The following SDS variants were observed in gnomAD, a reference collection of about 807,000 sequenced individuals.
The protein encoded by SDS is L-serine dehydratase/L-threonine deaminase.
Under a neutral mutation model 29.3 loss-of-function variants are expected in SDS, and 19 were observed. The observed-to-expected ratio is 0.65, with a 90% CI of 0.45 to 0.95. The LOEUF (loss-of-function observed/expected upper bound fraction) is 0.95. Ranked by LOEUF, SDS falls within the 40% of genes least tolerant of loss-of-function variation. The pLI is 0.00. For missense variants in SDS, 375 were observed against 439.9 expected, an observed-to-expected ratio of 0.85 and a Z score of 1.32; for synonymous variants, 176 against 189.0, an observed-to-expected ratio of 0.93 and a Z score of 0.56.
At position 113,397,245 on chromosome 12, in the gene SDS, G is replaced by T. The variant is rs146027909; in HGVS notation, c.573C>A (p.Ile191=). ...TGTGGGCACCAAAAGTCTCCATGGC[G>T]ATGACAGGCACGTCCCCCCAGCCCA... The part of the protein sequence containing the change: ...QEVGWGDVPV[I]AMETFGAHSF... Residue 191 remains isoleucine, a synonymous_variant, in exon 6 of 8, where the codon ATC becomes ATA. Coordinates refer to ENST00000257549, the MANE Select transcript of SDS (RefSeq NM_006843.3). 26 of 1,614,072 alleles carry T rather than the reference G, an allele frequency of 1.6e-5. No homozygotes were observed. Among genetic ancestry groups the T allele is most frequent in the Admixed American group, 5.0e-5 (3 of 60,004 alleles).
At chr12:113,397,601 G>A (rs898346550) in intron 5 of SDS, among the ~76,000 whole-genome samples, 1 of 152,150 alleles carries the variant, frequency 6.6e-6, no homozygotes, top group Non-Finnish European at 1.5e-5. Context: ...TCAGGAGATG[G>A]CAGCCCCTTA....
intron 6 of SDS, among the ~76,000 whole-genome samples, chr12:113,395,029 A>G (rs765464584): frequency 2.6e-5 from 4 of 152,156 alleles, no homozygotes; most frequent in Admixed American, 6.5e-5. Context: ...TTCACACAAG[A>G]ATTCTGCTGT....
chr12:113,394,741 C>G (rs555486873), intron 6 of SDS, among the ~76,000 whole-genome samples: 1 of 152,148 alleles, frequency 6.6e-6, no homozygotes, highest in South Asian at 2.1e-4. Context: ...TAAGAGGACC[C>G]TTGTTGTTCC....
At chr12:113,394,388 G>A (rs1470998238) in intron 6 of SDS, among the ~76,000 whole-genome samples, 2 of 148,594 alleles carry the variant, frequency 1.3e-5, no homozygotes, top group African/African-American at 5.0e-5. Flanking sequence ...TGCCCAGGCT[G>A]GAGTGCAGTG....
chr12:113,399,167 G>A lies in SDS; in HGVS notation c.154-16C>T. The A allele has an allele frequency of 1.2e-6, 2 of 1,613,602 alleles. No individual in the cohort carries two copies. The highest frequency in any genetic ancestry group is 1.7e-6 in the Non-Finnish European group (2 of 1,179,746). On this transcript the variant is annotated splice_polypyrimidine_tract_variant and intron_variant, in intron 2 of 7. Transcript: ENST00000257549. ...GCTTGGCCCACTGTGGAGACAACAG[G>A]AGAGGCACTCAGGCCCACCTCCCAG...
Position 113,397,179 on chromosome 12 carries a change from C to T in SDS, c.639G>A (p.Leu213=), listed in dbSNP as rs1957652274. Residue 213 remains leucine (L), a synonymous_variant, in exon 6 of 8, where the codon CTG becomes CTA. Transcript: ENST00000257549. ...AATTAGKLVS[L]PKITSVAKAL... is the part of the protein sequence containing the mutation. ...CAGCTGCTCACCTGGTGATCTTGGG[C>T]AGGGAGACAAGTTTGCCTGCGGTGG... The T allele has an allele frequency of 6.2e-7, 1 of 1,614,062 alleles. No individual in the cohort carries two copies. Among genetic ancestry groups the T allele is most frequent in the Admixed American group, 1.7e-5 (1 of 60,010 alleles).
At position 113,398,781 on chromosome 12, in the gene SDS, C is replaced by A; in HGVS notation, c.259G>T (p.Val87Leu). ...RQLGVPATIV[V>L]PSTTPALTIE... ...GTGAGAGCAGGTGTGGTGCTGGGCA[C>A]CACGATGGTGGCGGGGACGCCGAGT... The change falls in exon 4 of 8, where the codon GTG becomes TTG. Residue 87 changes from valine (V) to leucine (L), a missense_variant. Transcript: ENST00000257549. 5.0e-6 allele frequency: 8 copies of A among 1,614,104 alleles called. No homozygotes were observed. Among genetic ancestry groups the A allele is most frequent in the Non-Finnish European group, 6.8e-6 (8 of 1,179,990 alleles).
chr12:113,400,990 A>G (rs1171956925), intron 1 of SDS, among the ~76,000 whole-genome samples: 1 of 152,026 alleles, frequency 6.6e-6, no homozygotes. Context: ...CGTCTCTACT[A>G]AAAATACAAG....
intron 7 of SDS, among the ~76,000 whole-genome samples, chr12:113,393,620 A>G (rs980394598): frequency 1.3e-5 from 2 of 152,254 alleles, no homozygotes; most frequent in African/African-American, 2.4e-5. Flanking sequence ...CAGGAAACTC[A>G]GAAGCAACAT....
In SDS at chr12:113,394,321, TTTGTTTTTTTG is replaced by T. The variant is rs1268097970; in HGVS notation, c.654-316_654-306del. On this transcript the variant is annotated intron_variant, in intron 6 of 7. Coordinates refer to ENST00000257549, the MANE Select transcript of SDS (RefSeq NM_006843.3). ...GTTGCCCAGGCGGGTTTTTGTTTTGTTTGTTTTTTTGTTGTTTTTTTGTTTTTTTTTTTTTT... is the reference window on the plus strand; with the variant it reads ...GTTGCCCAGGCGGGTTTTTGTTTTGTTTGTTTTTTTGTTTTTTTTTTTTTT... 9.7e-3 allele frequency among the ~76,000 whole-genome samples: 1,457 copies of T among 150,698 alleles called. 19 individuals carry two copies. Among genetic ancestry groups the T allele is most frequent in the African/African-American group, 0.033 (1,350 of 40,736 alleles).
chr12:113,394,343 G>GTTTTTTTTTTTTTTTTTTTTTTT (rs565900434), intron 6 of SDS, among the ~76,000 whole-genome samples: 2 of 132,106 alleles, frequency 1.5e-5, no homozygotes, highest in Non-Finnish European at 1.6e-5. Flanking sequence ...TTGTTTTTTT[G>GTTTTTTTTTTTTTTTTTTTTTTT]TTTTTTTTTT....
chr12:113,401,104 ACT>A (rs1428077269), intron 1 of SDS, among the ~76,000 whole-genome samples: 1 of 151,888 alleles, frequency 6.6e-6, no homozygotes, highest in African/African-American at 2.4e-5. Context: ...ACAGATCGAG[ACT>A]CTGTCTCAAA....
chr12:113,399,545 C>T lies in SDS; in HGVS notation c.153+11G>A, dbSNP rs553271803. On this transcript the variant is annotated intron_variant, in intron 2 of 7. Coordinates refer to ENST00000257549, the MANE Select transcript of SDS (RefSeq NM_006843.3). ...CACCCCTGCCCAGATAATGCTGACC[C>T]GGTCCCGTACCCTCTTGCAGAAGTG... The T allele has an allele frequency of 3.9e-5, 60 of 1,556,618 alleles. No individual in the cohort carries two copies. The highest frequency in any genetic ancestry group is 2.2e-4 in the African/African-American group (16 of 73,496).
intron 5 of SDS, among the ~76,000 whole-genome samples, chr12:113,398,055 TTTC>T (rs1215300462): frequency 4.0e-5 from 6 of 151,462 alleles, no homozygotes; most frequent in Admixed American, 2.6e-4. Flanking sequence ...GTAACGTGTG[TTTC>T]TTCTTTTTTT....
Position 113,398,534 on chromosome 12 carries a change from A to AG in SDS, c.405dup (p.Phe136LeufsTer2). The AG allele has an allele frequency of 6.3e-7, 1 of 1,591,024 alleles. No homozygotes were observed. The highest frequency in any genetic ancestry group is 8.5e-7 in the Non-Finnish European group (1 of 1,170,156). Reference sequence around the variant, plus strand: ...ACATACCAGATGAGGGGGTCATCAAAGGGGGGAATGTAGACCCAACCCGGG... The same window carrying AG: ...ACATACCAGATGAGGGGGTCATCAAAGGGGGGGAATGTAGACCCAACCCGGG... On this transcript the variant is annotated frameshift_variant, in exon 5 of 8. Coordinates refer to ENST00000257549, the MANE Select transcript of SDS (RefSeq NM_006843.3). LOFTEE classifies it high-confidence loss of function.
At chr12:113,403,397 G>A (rs1016966740) in intron 1 of SDS, among the ~76,000 whole-genome samples, 2 of 152,162 alleles carry the variant, frequency 1.3e-5, no homozygotes, top group African/African-American at 2.4e-5. Flanking sequence ...GGTGGCACAC[G>A]CCTGTAGTCC....
rs182929273 is a variant in SDS at position 113,403,537 on chromosome 12, T to A, written c.-3+231A>T. Among the ~76,000 whole-genome samples, 1,264 of 150,906 alleles carry A rather than the reference T, an allele frequency of 8.4e-3. 14 individuals carry two copies. The highest frequency in any genetic ancestry group is 0.018 in the African/African-American group (729 of 41,088). ...AGACCTCTGTCTTAAAAAAAAAAAA[T>A]TTTTTTTGTAGAGATTGGGGGGGGT... On this transcript the variant is annotated intron_variant, in intron 1 of 7. Transcript: ENST00000257549.
Position 113,393,054 on chromosome 12 carries a change from G to C in SDS, c.874C>G (p.Arg292Gly). 6.2e-7 allele frequency: 1 copy of C among 1,614,222 alleles called. No homozygotes were observed. The highest frequency in any genetic ancestry group is 8.5e-7 in the Non-Finnish European group (1 of 1,180,034). The change falls in exon 8 of 8, where the codon CGA (arginine) becomes GGA (glycine). Residue 292 changes from arginine to glycine, a missense_variant. By Grantham distance (125) the Arg-to-Gly change is moderately radical. Transcript: ENST00000257549. Reference protein sequence around the residue: ...IQKLQLEGNLRTPLPSLVVIV... With the variant: ...IQKLQLEGNLGTPLPSLVVIV... ...ACCACGAGGGATGGCAGCGGGGTTC[G>C]GAGATTCCCCTCCAGTTGGAGCTTC... is the stretch of plus-strand genomic sequence containing the variant.
chr12:113,396,869 C>A (rs982848539), intron 6 of SDS: 1 of 487,152 alleles, frequency 2.1e-6, no homozygotes, highest in Non-Finnish European at 3.7e-6. Flanking sequence ...GAACTCCTGG[C>A]CTCAAGTGAT....
Sources: gnomAD v4.1 joint callset for allele counts (sites outside exome capture counted in the v4.1 genomes callset) on GRCh38, gnomAD v4.1.1 for gene constraint, MANE v1.5 for transcripts, NCBI Gene and HGNC (gene_info 2026-07-23, HGNC 2026-07-21) for gene names.